Variants in KLF13 observed in about 807,000 individuals in gnomAD.
The protein encoded by KLF13 is KLF transcription factor 13, also known as Krueppel-like factor 13.
A neutral mutation model predicts 16.7 loss-of-function variants in KLF13; 8 were observed. The observed-to-expected ratio is 0.48, with a 90% CI of 0.28 to 0.87. The LOEUF (loss-of-function observed/expected upper bound fraction) is 0.87. KLF13 is among the 40% of genes least tolerant of loss of function. KLF13 has a pLI of 0.10. For missense variants in KLF13, 447 were observed against 452.2 expected (o/e 0.99, Z 0.10); for synonymous variants, 245 against 208.4 (o/e 1.18, Z -1.51).
intron 1 of KLF13, among the ~76,000 whole-genome samples, chr15:31,393,417 G>T (rs186592669): frequency 0.053 from 1,864 of 35,006 alleles, 30 homozygotes; most frequent in African/African-American, 0.16. Context: ...CGTCACCCCC[G>T]GCCCGTCCCC....
At chr15:31,331,440 C>T (rs1220140588) in intron 1 of KLF13, among the ~76,000 whole-genome samples, 1 of 152,206 alleles carries the variant, frequency 6.6e-6, no homozygotes, top group African/African-American at 2.4e-5. Context: ...TATTGCGACC[C>T]CTCCCCCAGG....
intron 1 of KLF13, among the ~76,000 whole-genome samples, chr15:31,424,152 C>T (rs562304530): frequency 3.2e-4 from 49 of 151,782 alleles, no homozygotes; most frequent in African/African-American, 1.2e-3. Context: ...AGAATTCTAC[C>T]AAACACTTAA....
chr15:31,404,977 G>A (rs1248783200), downstream of KLF13, among the ~76,000 whole-genome samples: 2 of 152,188 alleles, frequency 1.3e-5, no homozygotes, highest in East Asian at 1.9e-4. Context: ...CCTCAAAGAG[G>A]CTACGAGTAC....
At chr15:31,389,124 C>T (rs1038593933), upstream of KLF13, among the ~76,000 whole-genome samples, 3 of 152,166 alleles carry the variant, frequency 2.0e-5, no homozygotes, top group East Asian at 1.9e-4. Context: ...CCTCTTTCTT[C>T]TCCTCCTCAG....
intron 1 of KLF13, among the ~76,000 whole-genome samples, chr15:31,364,576 C>A (rs577796706): frequency 6.6e-6 from 1 of 152,274 alleles, no homozygotes; most frequent in African/African-American, 2.4e-5. Flanking sequence ...ATGTGCCCCA[C>A]GTATTCTCCC....
downstream of KLF13, among the ~76,000 whole-genome samples, chr15:31,382,687 G>T (rs571657623): frequency 6.6e-6 from 1 of 152,184 alleles, no homozygotes; most frequent in African/African-American, 2.4e-5. Context: ...TGCCCTCAGG[G>T]GGGCCCAGTC....
chr15:31,432,999 C>T (rs1047445511), intron 1 of KLF13, among the ~76,000 whole-genome samples: 15 of 152,278 alleles, frequency 9.9e-5, no homozygotes, highest in African/African-American at 3.6e-4. Flanking sequence ...CTGATTCCAG[C>T]GCCCACTGCA....
At chr15:31,368,274 G>C (rs553315919) in intron 1 of KLF13, among the ~76,000 whole-genome samples, 100 of 152,332 alleles carry the variant, frequency 6.6e-4, no homozygotes, top group Admixed American at 4.0e-3. Context: ...AACAGGGTCT[G>C]AACCTCATCT....
At chr15:31,399,944 T>C (rs1326280581) in intron 2 of KLF13, among the ~76,000 whole-genome samples, 1 of 152,236 alleles carries the variant, frequency 6.6e-6, no homozygotes. Flanking sequence ...TTCAAAGCTT[T>C]AGCTGCCCCC....
At chr15:31,431,849 T>C (rs2040476034) in intron 1 of KLF13, among the ~76,000 whole-genome samples, 2 of 152,198 alleles carry the variant, frequency 1.3e-5, no homozygotes, top group Admixed American at 6.5e-5. Context: ...TTCTATACCC[T>C]GCGAAGACTT....
At chr15:31,420,097 G>C in intron 1 of KLF13, 1 of 384,862 alleles carries the variant, frequency 2.6e-6, no homozygotes, top group South Asian at 2.2e-5. Flanking sequence ...CAACAAAACT[G>C]TTCTTCAAAA....
chr15:31,361,713 G>C (rs2039391966), intron 1 of KLF13, among the ~76,000 whole-genome samples: 1 of 152,150 alleles, frequency 6.6e-6, no homozygotes, highest in Non-Finnish European at 1.5e-5. Flanking sequence ...CTGGGGTGCA[G>C]AGCTGGGGCT....
rs1253073009 is a variant in KLF13, at chr15:31,327,576, T to A, written c.364T>A (p.Trp122Arg). Reference sequence around the variant, plus strand: ...GGCGGCCGCGCCCCCCAGCCCGGCGTGGAGCGAGCCGGAGCCCGAGGCGGG... The same window carrying A: ...GGCGGCCGCGCCCCCCAGCCCGGCGAGGAGCGAGCCGGAGCCCGAGGCGGG... Reference protein sequence around the residue: ...GAAAAPPSPAWSEPEPEAGLE... With the variant: ...GAAAAPPSPARSEPEPEAGLE... The change falls in exon 1 of 2, where the codon TGG (tryptophan) becomes AGG (arginine). Residue 122 changes from tryptophan (W) to arginine (R), a missense_variant. This residue lies in a region of KLF13 where 359 missense variants were observed against 282.8 expected (regional missense o/e 1.27). Coordinates refer to ENST00000307145, the MANE Select transcript of KLF13 (RefSeq NM_015995.4). The A allele has an allele frequency of 8.5e-7, 1 of 1,177,984 alleles. No homozygotes were observed. The highest frequency in any genetic ancestry group is 1.1e-6 in the Non-Finnish European group (1 of 947,318). 73.0% of individuals were successfully genotyped at this position (1,177,984 alleles called of 1,614,324 possible).
At chr15:31,327,920 C>G in intron 1 of KLF13, 131 bp downstream of exon 1, 1 of 1,050,924 alleles carries the variant, frequency 9.5e-7, no homozygotes, top group Non-Finnish European at 1.2e-6. Flanking sequence ...GGCCTCGCCC[C>G]TTCCCCTGCC....
intron 1 of KLF13, among the ~76,000 whole-genome samples, chr15:31,337,111 C>A (rs985351221): frequency 6.6e-6 from 1 of 152,212 alleles, no homozygotes; most frequent in African/African-American, 2.4e-5. Flanking sequence ...GGTTTGTTTA[C>A]TCGTCATTGA....
chr15:31,418,479 A>G (rs968507371), intron 1 of KLF13, among the ~76,000 whole-genome samples: 1 of 152,208 alleles, frequency 6.6e-6, no homozygotes, highest in African/African-American at 2.4e-5. Context: ...GATATACTTT[A>G]GTAACAGTGT....
chr15:31,394,499 A>G (rs557926596), intron 2 of KLF13, among the ~76,000 whole-genome samples: 20 of 152,144 alleles, frequency 1.3e-4, no homozygotes, highest in East Asian at 1.9e-4. Context: ...GAAAAAAAAA[A>G]AAAAGAAAAG....
At chr15:31,363,994 C>T (rs1349593138) in intron 1 of KLF13, among the ~76,000 whole-genome samples, 1 of 152,174 alleles carries the variant, frequency 6.6e-6, no homozygotes, top group Admixed American at 6.5e-5. Flanking sequence ...CTGCTCCCTG[C>T]CCTAGGGGTT....
upstream of KLF13, among the ~76,000 whole-genome samples, chr15:31,389,931 T>A (rs1194010967): frequency 6.6e-6 from 1 of 152,182 alleles, no homozygotes; most frequent in East Asian, 1.9e-4. Flanking sequence ...CCAGAGCAAA[T>A]GGGGCGAACT....
Sources: gnomAD v4.1 joint callset for allele counts (sites outside exome capture counted in the v4.1 genomes callset) on GRCh38, gnomAD v4.1.1 for gene constraint, gnomAD v4.1.1 regional missense constraint, MANE v1.5 for transcripts, NCBI Gene and HGNC (gene_info 2026-07-23, HGNC 2026-07-21) for gene names.